Variants in CIP2A observed in about 807,000 individuals in gnomAD.
The protein encoded by CIP2A is cellular inhibitor of PP2A.
CIP2A carries 103 observed loss-of-function variants against 110.9 expected under a neutral mutation model. That is an observed-to-expected ratio of 0.93 (90% confidence interval 0.79 to 1.09). CIP2A has a LOEUF of 1.09. Ranked by LOEUF, CIP2A falls within the 50% of genes least tolerant of loss-of-function variation. The probability of loss-of-function intolerance (pLI) is 0.00; values close to 1 mark genes in which losing one functional copy is unlikely to be tolerated. For synonymous variants in CIP2A, 381 were observed against 361.6 expected (o/e 1.05, Z -0.61); for missense variants, 1,088 against 1,038.4 (o/e 1.05, Z -0.66).
intron 20 of CIP2A, among the ~76,000 whole-genome samples, chr3:108,551,830 C>T (rs78327557): frequency 0.019 from 2,912 of 152,134 alleles, 104 homozygotes; most frequent in African/African-American, 0.067. Context: ...AGAATATATA[C>T]CTATTGATTC....
At chr3:108,569,731 T>A in intron 8 of CIP2A, 124 bp from the exon 9 acceptor site, 1 of 718,370 alleles carries the variant, frequency 1.4e-6, no homozygotes, top group Non-Finnish European at 2.3e-6. Flanking sequence ...AAACTTAAGT[T>A]TTTTCTTTCA....
chr3:108,589,317 A>C lies in CIP2A; in HGVS notation c.59T>G (p.Val20Gly), dbSNP rs1939228633. ...CTGAGTGGCGTTCGCCTCTGACTTC[A>C]CGGCTTTGTACTGACTGACAGTCAG... Reference protein sequence around the residue: ...LLLTVSQYKAVKSEANATQLL... With the variant: ...LLLTVSQYKAGKSEANATQLL... The change falls in exon 1 of 21, where the codon GTG becomes GGG. Residue 20 changes from valine to glycine, a missense_variant. Transcript: ENST00000295746. 6.2e-7 allele frequency: 1 copy of C among 1,613,890 alleles called. No homozygotes were observed.
chr3:108,563,106 T>A lies in CIP2A; in HGVS notation c.1634+20A>T. Reference sequence around the variant, plus strand: ...TATTCCAACACCACAAGAGATACACTGCAAATGATTACAACTCACACTAAA... The same window carrying A: ...TATTCCAACACCACAAGAGATACACAGCAAATGATTACAACTCACACTAAA... On this transcript the variant is annotated intron_variant, in intron 13 of 20. Coordinates refer to ENST00000295746, the MANE Select transcript of CIP2A (RefSeq NM_020890.3). 1 of 1,477,552 alleles carries A rather than the reference T, an allele frequency of 6.8e-7. No individual in the cohort carries two copies. Among genetic ancestry groups the A allele is most frequent in the East Asian group, 2.3e-5 (1 of 44,192 alleles). 91.5% of individuals were successfully genotyped at this position (1,477,552 alleles called of 1,614,324 possible). A position where few individuals can be genotyped will look rare whatever the true frequency, so the allele number is the denominator to read the frequency against.
At chr3:108,559,475 C>A (rs1397209015) in intron 16 of CIP2A, among the ~76,000 whole-genome samples, 1 of 151,864 alleles carries the variant, frequency 6.6e-6, no homozygotes, top group African/African-American at 2.4e-5. Context: ...AACCACAGAA[C>A]ACATAACTAA....
intron 17 of CIP2A, 47 bp downstream of exon 17, chr3:108,557,171 G>A (rs765211000): frequency 4.1e-6 from 5 of 1,225,196 alleles, no homozygotes; most frequent in Non-Finnish European, 5.7e-6. Flanking sequence ...AATGCTGCAT[G>A]TTCATTCTAG....
chr3:108,568,263 G>A lies in CIP2A; in HGVS notation c.1165C>T (p.Leu389=), dbSNP rs752598971. 1.2e-6 allele frequency: 2 copies of A among 1,612,264 alleles called. No individual in the cohort carries two copies. The highest frequency in any genetic ancestry group is 1.7e-6 in the Non-Finnish European group (2 of 1,178,794). ...CSSADRFVTL[L]LPTILDQLQF... ...AGTTGATCAAGGATTGTAGGCAGCA[G>A]AAGGGTCACAAAACGATCAGCCGAG... The change falls in exon 10 of 21, where the codon CTG becomes TTG. Residue 389 remains leucine (L), a synonymous_variant. Transcript: ENST00000295746.
chr3:108,556,141 G>A (rs1490247233), intron 17 of CIP2A, among the ~76,000 whole-genome samples: 3 of 152,040 alleles, frequency 2.0e-5, no homozygotes, highest in African/African-American at 7.3e-5. Flanking sequence ...AGTTGCTGGG[G>A]TAAATATCCT....
Position 108,552,294 on chromosome 3 carries a change from A to C in CIP2A, c.2487T>G (p.Ile829Met), listed in dbSNP as rs778163433. ...TGCTTAATTCTTTTCTAAGGATATC[A>C]ATGGTTTCTTCCTTATCTTCCCTTT... ...QKEREDKEET[I>M]DILRKELSRT... Residue 829 changes from isoleucine to methionine, a missense_variant, in exon 20 of 21, where the codon ATT (isoleucine) becomes ATG (methionine). Ile to Met is a conservative substitution (Grantham distance 10). Transcript: ENST00000295746. 3 of 1,571,624 alleles carry C rather than the reference A, an allele frequency of 1.9e-6. No homozygotes were observed. Among genetic ancestry groups the C allele is most frequent in the Non-Finnish European group, 2.6e-6 (3 of 1,154,796 alleles).
rs1408348189 is a variant in CIP2A, at chr3:108,579,700, A to C, written c.550-12T>G. ...GATTTCACATTACTCTGAGGAAAAA[A>C]AAGTTAAAAAATAAATTAGAATTAT... On this transcript the variant is annotated splice_polypyrimidine_tract_variant and intron_variant, in intron 5 of 20. Coordinates refer to ENST00000295746, the MANE Select transcript of CIP2A (RefSeq NM_020890.3). 37 of 1,497,788 alleles carry C rather than the reference A, an allele frequency of 2.5e-5. No individual in the cohort carries two copies. The highest frequency in any genetic ancestry group is 3.0e-5 in the Non-Finnish European group (34 of 1,116,540). The allele number at this position is 1,497,788 out of a possible 1,614,324, so 92.8% of individuals were successfully genotyped here.
In CIP2A at chr3:108,579,584, A is replaced by G; in HGVS notation, c.654T>C (p.Asn218=). 6.3e-7 allele frequency: 1 copy of G among 1,592,512 alleles called. No homozygotes were observed. The highest frequency in any genetic ancestry group is 1.7e-5 in the Admixed American group (1 of 57,682). The part of the protein sequence containing the change: ...ALSILSSLTL[N]EEVGEKLFHA... ...TATTTACCTTTTCCCCCACCTCTTC[A>G]TTTAATGTCAAACTGGATAATATTG... Residue 218 remains asparagine, a synonymous_variant, in exon 6 of 21, where the codon AAT becomes AAC. Coordinates refer to ENST00000295746, the MANE Select transcript of CIP2A (RefSeq NM_020890.3).
intron 8 of CIP2A, among the ~76,000 whole-genome samples, chr3:108,572,458 T>G (rs1273073231): frequency 3.3e-5 from 5 of 152,030 alleles, no homozygotes; most frequent in African/African-American, 1.2e-4. Context: ...ACCATACTTT[T>G]AAGACTCTAC....
rs113172274 is a variant in CIP2A, at chr3:108,566,132, T to C, written c.1415+365A>G. Among the ~76,000 whole-genome samples the C allele has an allele frequency of 7.0e-3, 1,060 of 151,866 alleles. 5 individuals are homozygous for C. Among genetic ancestry groups the C allele is most frequent in the African/African-American group, 0.024 (998 of 41,518 alleles). The stretch of plus-strand genomic sequence containing the variant: ...TAAAAAGCCTTTAGCAGTGACTGAT[T>C]TCCTTGTAATAAAACTACTCTTCTG... On this transcript the variant is annotated intron_variant, in intron 11 of 20. Transcript: ENST00000295746.
In CIP2A at chr3:108,553,894, T is replaced by TACAAAAAAAAAAAAAAA. The variant is rs1303036231; in HGVS notation, c.2325-165_2325-164insTTTTTTTTTTTTTTTGT. On this transcript the variant is annotated intron_variant, in intron 18 of 20. Transcript: ENST00000295746. ...GGTGAAACCCCGTCTCTACTAAAAA[T>TACAAAAAAAAAAAAAAA]ATAAAAAAAAAAAAAAAAAAAAAAA... 3.8e-3 allele frequency among the ~76,000 whole-genome samples: 189 copies of TACAAAAAAAAAAAAAAA among 49,726 alleles called. 86 individuals carry two copies. Among genetic ancestry groups the TACAAAAAAAAAAAAAAA allele is most frequent in the Non-Finnish European group, 4.8e-3 (120 of 25,122 alleles). The allele number at this position is 49,726 out of a possible 152,430, so 32.6% of individuals were successfully genotyped here.
At chr3:108,553,116 C>CTTTTTTTTT (rs1559687188) in intron 19 of CIP2A, among the ~76,000 whole-genome samples, 1 of 131,106 alleles carries the variant, frequency 7.6e-6, no homozygotes, top group African/African-American at 2.9e-5. Flanking sequence ...CATCTCTTTC[C>CTTTTTTTTT]TTTTGTTTTT....
In CIP2A at chr3:108,559,417, G is replaced by A. The variant is rs776838307; in HGVS notation, c.2013+340C>T. On this transcript the variant is annotated intron_variant, in intron 16 of 20. Coordinates refer to ENST00000295746, the MANE Select transcript of CIP2A (RefSeq NM_020890.3). ...CACATAGTGCTCAGGAAAATGATCT[G>A]TGCTTGACATATAAAATTAGGAACA... Among the ~76,000 whole-genome samples the A allele has an allele frequency of 2.8e-4, 43 of 152,246 alleles. 1 individual carries two copies. Among genetic ancestry groups the A allele is most frequent in the Non-Finnish European group, 4.0e-4 (27 of 68,016 alleles).
At chr3:108,576,210 TAA>T in intron 8 of CIP2A, 59 bp downstream of exon 8, 5 of 1,074,580 alleles carry the variant, frequency 4.7e-6, no homozygotes, top group Non-Finnish European at 5.4e-6. Context: ...TGCAGTTTTT[TAA>T]AAGTTTCGGC....
rs966715822 is a variant in CIP2A at position 108,566,448 on chromosome 3, T to G, written c.1415+49A>C. The G allele has an allele frequency of 3.3e-6, 5 of 1,501,066 alleles. No homozygotes were observed. The African/African-American group carries it at 7.1e-5, about 21-fold the overall frequency. 93.0% of individuals were successfully genotyped at this position (1,501,066 alleles called of 1,614,324 possible). A position where few individuals can be genotyped will look rare whatever the true frequency, so the allele number is the denominator to read the frequency against. On this transcript the variant is annotated intron_variant, in intron 11 of 20. Transcript: ENST00000295746. ...AAAAGGATGAGAATCACCACATCTT[T>G]CGATTTTTTACTGCCTTGCCATTTT...
chr3:108,562,156 T>A (rs1253486545), intron 13 of CIP2A, among the ~76,000 whole-genome samples: 1 of 152,198 alleles, frequency 6.6e-6, no homozygotes, highest in African/African-American at 2.4e-5. Flanking sequence ...ACTCTTAAGG[T>A]ATGATGACCT....
At chr3:108,558,851 G>T (rs1362649697) in intron 16 of CIP2A, among the ~76,000 whole-genome samples, 1 of 152,170 alleles carries the variant, frequency 6.6e-6, no homozygotes, top group Non-Finnish European at 1.5e-5. Context: ...TGCAAAGAAT[G>T]CGCAGAAATG....
Sources: gnomAD v4.1 joint callset for allele counts (sites outside exome capture counted in the v4.1 genomes callset) on GRCh38, gnomAD v4.1.1 for gene constraint, MANE v1.5 for transcripts, NCBI Gene and HGNC (gene_info 2026-07-23, HGNC 2026-07-21) for gene names.